DNAJC15: variants seen among roughly 807,000 people sequenced by gnomAD.
The protein encoded by DNAJC15 is dnaJ homolog subfamily C member 15.
A neutral mutation model predicts 22.4 loss-of-function variants in DNAJC15; 27 were observed. The ratio of observed to expected loss-of-function variants is 1.20; its 90% CI spans 0.89 to 1.66. The LOEUF (loss-of-function observed/expected upper bound fraction) is 1.66, where lower values mean the gene tolerates loss of function less well. DNAJC15 is among the 40% of genes most tolerant of loss of function. The pLI is 0.00. For missense variants in DNAJC15, 208 were observed against 187.1 expected (o/e 1.11, Z -0.65); for synonymous variants, 79 against 63.2 (o/e 1.25, Z -1.19).
At chr13:43,046,708 C>G (rs1012843793) in intron 1 of DNAJC15, among the ~76,000 whole-genome samples, 7 of 152,172 alleles carry the variant, frequency 4.6e-5, no homozygotes, top group African/African-American at 1.7e-4. Flanking sequence ...TGTTTTCATT[C>G]TATTAAATCT....
At chr13:43,088,658 G>T (rs142113546) in intron 5 of DNAJC15, among the ~76,000 whole-genome samples, 1 of 152,082 alleles carries the variant, frequency 6.6e-6, no homozygotes, top group African/African-American at 2.4e-5. Context: ...ACTGTTGAAT[G>T]GATTTTCTCT....
intron 1 of DNAJC15, among the ~76,000 whole-genome samples, chr13:43,034,461 G>A (rs1462766516): frequency 6.6e-6 from 1 of 151,642 alleles, no homozygotes; most frequent in East Asian, 1.9e-4. Context: ...GACTACAGGT[G>A]CCCACCACCG....
chr13:43,027,678 A>G (rs918916154), intron 1 of DNAJC15, among the ~76,000 whole-genome samples: 5 of 149,924 alleles, frequency 3.3e-5, no homozygotes, highest in African/African-American at 1.2e-4. Flanking sequence ...TTTTTTTGAG[A>G]TGGAGTCTTG....
intron 1 of DNAJC15, among the ~76,000 whole-genome samples, chr13:43,047,207 G>A (rs1344931880): frequency 6.6e-6 from 1 of 152,156 alleles, no homozygotes; most frequent in East Asian, 1.9e-4. Flanking sequence ...AGAAAATGAC[G>A]CTTTGCTAGA....
intron 5 of DNAJC15, among the ~76,000 whole-genome samples, chr13:43,093,211 T>C (rs1241956988): frequency 6.6e-6 from 1 of 152,158 alleles, no homozygotes. Context: ...TTTTCTTAAA[T>C]ATATTACTTA....
At chr13:43,039,944 G>A (rs1387509154) in intron 1 of DNAJC15, among the ~76,000 whole-genome samples, 1 of 152,150 alleles carries the variant, frequency 6.6e-6, no homozygotes, top group Non-Finnish European at 1.5e-5. Context: ...GGTTGTACAC[G>A]GGAAGTGGAG....
intron 1 of DNAJC15, among the ~76,000 whole-genome samples, chr13:43,063,571 C>T (rs973005016): frequency 5.3e-5 from 8 of 152,134 alleles, no homozygotes; most frequent in East Asian, 1.9e-4. Context: ...TGAAATTGAG[C>T]GCCTTTTCAT....
intron 1 of DNAJC15, among the ~76,000 whole-genome samples, chr13:43,034,562 G>A (rs937496348): frequency 1.3e-4 from 20 of 151,948 alleles, no homozygotes; most frequent in Admixed American, 4.6e-4. Context: ...TGATCCGCCC[G>A]CCTCGGCCTC....
chr13:43,062,335 C>T (rs780482919), intron 1 of DNAJC15, among the ~76,000 whole-genome samples: 8 of 152,194 alleles, frequency 5.3e-5, no homozygotes, highest in Middle Eastern at 3.2e-3. Flanking sequence ...ATTTCTCTTT[C>T]CTTCCACTCT....
chr13:43,067,272 T>A lies in DNAJC15; in HGVS notation c.160+1535T>A, dbSNP rs1455400246. On this transcript the variant is annotated intron_variant, in intron 2 of 5. Transcript: ENST00000379221. The stretch of plus-strand genomic sequence containing the variant: ...TTTTGTCTTGGAAATGATGAAACAC[T>A]TCAACAATCAGAACTTTAAAATCTA... 1.3e-5 allele frequency among the ~76,000 whole-genome samples: 2 copies of A among 152,190 alleles called. 1 individual carries two copies. The highest frequency in any genetic ancestry group is 2.9e-5 in the Non-Finnish European group (2 of 68,020).
chr13:43,087,897 CTTT>C (rs2040696720), intron 5 of DNAJC15, among the ~76,000 whole-genome samples: 1 of 152,082 alleles, frequency 6.6e-6, no homozygotes, highest in African/African-American at 2.4e-5. Context: ...GGAAATTTTT[CTTT>C]TTCAATGTAG....
chr13:43,056,554 T>C (rs2040532389), intron 1 of DNAJC15, among the ~76,000 whole-genome samples: 1 of 152,232 alleles, frequency 6.6e-6, no homozygotes, highest in African/African-American at 2.4e-5. Context: ...TTCTAGGGTA[T>C]AGTTTAAGTC....
At chr13:43,033,514 A>G (rs11618553) in intron 1 of DNAJC15, among the ~76,000 whole-genome samples, 25,456 of 152,086 alleles carry the variant, frequency 0.17, 2,742 homozygotes, top group Non-Finnish European at 0.24. Flanking sequence ...TTTCTGTTCC[A>G]AGATCCCAAC....
chr13:43,026,807 G>T (rs74651577), intron 1 of DNAJC15, among the ~76,000 whole-genome samples: 78 of 152,304 alleles, frequency 5.1e-4, no homozygotes, highest in Middle Eastern at 3.4e-3. Context: ...GGTCAGGTGG[G>T]AGAATTACTT....
intron 3 of DNAJC15, among the ~76,000 whole-genome samples, chr13:43,071,730 A>G (rs2153441088): frequency 6.7e-6 from 1 of 150,078 alleles, no homozygotes; most frequent in East Asian, 1.9e-4. Flanking sequence ...TCTGTCATTC[A>G]AAAAAGATTG....
chr13:43,058,989 A>G (rs1000137970), intron 1 of DNAJC15, among the ~76,000 whole-genome samples: 4 of 152,180 alleles, frequency 2.6e-5, no homozygotes, highest in South Asian at 4.1e-4. Flanking sequence ...GGAGTCTGCA[A>G]TGGCAAGCTG....
chr13:43,097,218 A>G (rs955832743), intron 5 of DNAJC15, among the ~76,000 whole-genome samples: 2 of 152,218 alleles, frequency 1.3e-5, no homozygotes, highest in African/African-American at 4.8e-5. Flanking sequence ...CTAAGGAGAT[A>G]ATATTTGAGC....
At chr13:43,037,294 T>C (rs1294634302) in intron 1 of DNAJC15, among the ~76,000 whole-genome samples, 1 of 152,194 alleles carries the variant, frequency 6.6e-6, no homozygotes. Flanking sequence ...ACATCAGATA[T>C]AAGCCGAAAA....
intron 1 of DNAJC15, among the ~76,000 whole-genome samples, chr13:43,058,152 T>C (rs2040540541): frequency 6.6e-6 from 1 of 152,138 alleles, no homozygotes; most frequent in Non-Finnish European, 1.5e-5. Flanking sequence ...AGCTGTTTTC[T>C]TTTTTCTTAG....
Sources: gnomAD v4.1 joint callset for allele counts (sites outside exome capture counted in the v4.1 genomes callset) on GRCh38, gnomAD v4.1.1 for gene constraint, MANE v1.5 for transcripts, NCBI Gene and HGNC (gene_info 2026-07-23, HGNC 2026-07-21) for gene names.